Variants in RNF150 observed in about 807,000 individuals in gnomAD.
RNF150 encodes the protein ring finger protein 150.
A neutral mutation model predicts 39.3 loss-of-function variants in RNF150; 24 were observed. That is an observed-to-expected ratio of 0.61 (90% CI 0.44 to 0.86). The LOEUF is 0.86. RNF150 is among the 40% of genes least tolerant of loss of function. The pLI, the probability that RNF150 is intolerant of heterozygous loss-of-function variation, is 0.00. For missense variants in RNF150, 502 were observed against 587.8 expected (o/e 0.85, Z 1.51); for synonymous variants, 255 against 227.3 (o/e 1.12, Z -1.10).
chr4:140,889,507 C>T (rs574357884), intron 6 of RNF150, among the ~76,000 whole-genome samples: 103 of 152,160 alleles, frequency 6.8e-4, no homozygotes, highest in Non-Finnish European at 1.2e-3. Context: ...CAAAAGTTTG[C>T]AATCCCTAAA....
intron 1 of RNF150, among the ~76,000 whole-genome samples, chr4:141,159,363 T>C (rs188519260): frequency 6.8e-4 from 104 of 152,268 alleles, no homozygotes; most frequent in Middle Eastern, 3.4e-3. Context: ...TTTCACATCA[T>C]GAAATATTAT....
chr4:141,049,803 C>T (rs1736710405), intron 1 of RNF150, among the ~76,000 whole-genome samples: 1 of 152,084 alleles, frequency 6.6e-6, no homozygotes, highest in African/African-American at 2.4e-5. Context: ...CTATAAACAA[C>T]TTAAGCCCCC....
chr4:140,995,480 G>A (rs1734332495), intron 1 of RNF150, among the ~76,000 whole-genome samples: 1 of 152,174 alleles, frequency 6.6e-6, no homozygotes, highest in Admixed American at 6.5e-5. Context: ...TGGGTCATCA[G>A]GTCATTGCCA....
At chr4:140,911,733 T>C (rs1440206609) in intron 5 of RNF150, among the ~76,000 whole-genome samples, 1 of 152,218 alleles carries the variant, frequency 6.6e-6, no homozygotes, top group African/African-American at 2.4e-5. Context: ...AGAATGTAGC[T>C]GGTAGCCTGA....
At chr4:141,012,653 C>T (rs1233299967) in intron 1 of RNF150, among the ~76,000 whole-genome samples, 2 of 151,528 alleles carry the variant, frequency 1.3e-5, no homozygotes, top group East Asian at 1.9e-4. Flanking sequence ...AGTGGTGGCA[C>T]GTGCCTGTAG....
intron 1 of RNF150, among the ~76,000 whole-genome samples, chr4:141,084,357 A>G (rs1738269715): frequency 6.6e-6 from 1 of 152,230 alleles, no homozygotes; most frequent in African/African-American, 2.4e-5. Context: ...AACAAAACCA[A>G]ATAAAGAGTT....
intron 1 of RNF150, among the ~76,000 whole-genome samples, chr4:141,009,612 T>G (rs1560685971): frequency 6.6e-6 from 1 of 152,230 alleles, no homozygotes; most frequent in Non-Finnish European, 1.5e-5. Context: ...GAAATGTTAG[T>G]TATTATTATT....
At chr4:141,106,934 T>C (rs1360003688) in intron 1 of RNF150, among the ~76,000 whole-genome samples, 1 of 152,206 alleles carries the variant, frequency 6.6e-6, no homozygotes, top group African/African-American at 2.4e-5. Context: ...GAAAGCACTA[T>C]GTCAAATATA....
intron 6 of RNF150, among the ~76,000 whole-genome samples, chr4:140,880,792 T>G (rs1251398380): frequency 2.0e-5 from 3 of 152,120 alleles, no homozygotes; most frequent in Admixed American, 6.5e-5. Flanking sequence ...ATTTCTACAT[T>G]TATACATTTC....
intron 1 of RNF150, among the ~76,000 whole-genome samples, chr4:141,092,251 G>A (rs1441908251): frequency 1.3e-5 from 2 of 152,016 alleles, no homozygotes; most frequent in East Asian, 3.9e-4. Flanking sequence ...GCTGAGGCAG[G>A]AGAATTACTT....
At chr4:141,087,760 A>G (rs1292925046) in intron 1 of RNF150, among the ~76,000 whole-genome samples, 1 of 152,170 alleles carries the variant, frequency 6.6e-6, no homozygotes, top group Non-Finnish European at 1.5e-5. Flanking sequence ...TTCCTCACCC[A>G]ACATAAGTTG....
At chr4:141,205,878 T>C (rs1454511838) in intron 1 of RNF150, among the ~76,000 whole-genome samples, 3 of 151,984 alleles carry the variant, frequency 2.0e-5, no homozygotes, top group Non-Finnish European at 4.4e-5. Context: ...AGAAGGGAGG[T>C]TGTTCAATTA....
At chr4:140,899,944 T>TCTCTCTC (rs1730114654) in intron 6 of RNF150, among the ~76,000 whole-genome samples, 1 of 110,022 alleles carries the variant, frequency 9.1e-6, no homozygotes, top group Non-Finnish European at 1.8e-5. Flanking sequence ...CTCTCTCACT[T>TCTCTCTC]TCTCTCTCTC....
intron 6 of RNF150, among the ~76,000 whole-genome samples, chr4:140,905,862 A>G (rs766087015): frequency 4.6e-5 from 7 of 152,102 alleles, no homozygotes; most frequent in Non-Finnish European, 8.8e-5. Flanking sequence ...AGGACAGGTG[A>G]TGTATGAGTG....
intron 1 of RNF150, among the ~76,000 whole-genome samples, chr4:141,183,904 T>C (rs919925209): frequency 6.6e-6 from 1 of 152,210 alleles, no homozygotes; most frequent in African/African-American, 2.4e-5. Flanking sequence ...ATTTAGTCTA[T>C]CATTGATGGG....
chr4:141,187,798 T>C (rs868748694), intron 1 of RNF150, among the ~76,000 whole-genome samples: 1 of 152,158 alleles, frequency 6.6e-6, no homozygotes, highest in Admixed American at 6.6e-5. Flanking sequence ...CTTGACTCTT[T>C]CCAATTTGCC....
At chr4:141,093,849 AAGAG>A (rs1738682751) in intron 1 of RNF150, among the ~76,000 whole-genome samples, 1 of 152,250 alleles carries the variant, frequency 6.6e-6, no homozygotes, top group Admixed American at 6.5e-5. Context: ...TGACAATATT[AAGAG>A]AATATAAAAT....
At chr4:140,896,697 A>AAC (rs1553989303) in intron 6 of RNF150, among the ~76,000 whole-genome samples, 6 of 82,478 alleles carry the variant, frequency 7.3e-5, no homozygotes, top group African/African-American at 1.6e-4. Flanking sequence ...TAAAAAAAAA[A>AAC]AAACAAAAAA....
At chr4:140,991,453 G>T (rs1416970929) in intron 1 of RNF150, among the ~76,000 whole-genome samples, 1 of 151,984 alleles carries the variant, frequency 6.6e-6, no homozygotes, top group East Asian at 1.9e-4. Flanking sequence ...GTATTGTCTG[G>T]ATTTTCTTCT....
Sources: gnomAD v4.1 joint callset for allele counts (sites outside exome capture counted in the v4.1 genomes callset) on GRCh38, gnomAD v4.1.1 for gene constraint, MANE v1.5 for transcripts, NCBI Gene and HGNC (gene_info 2026-07-23, HGNC 2026-07-21) for gene names.